Variants in MFAP3 observed in about 807,000 individuals in gnomAD.
The protein encoded by MFAP3 is microfibril-associated glycoprotein 3.
MFAP3 carries 8 observed loss-of-function variants against 20.5 expected under a neutral mutation model. The ratio of observed to expected loss-of-function variants is 0.39; its 90% CI spans 0.23 to 0.70. The LOEUF (loss-of-function observed/expected upper bound fraction) is 0.70, where lower values mean the gene tolerates loss of function less well. MFAP3 is among the 30% of genes least tolerant of loss of function. The probability of loss-of-function intolerance (pLI) is 0.44; values close to 1 mark genes in which losing one functional copy is unlikely to be tolerated. For missense variants in MFAP3, 398 were observed against 444.6 expected, an observed-to-expected ratio of 0.90 and a Z score of 0.94; for synonymous variants, 140 against 154.0, an observed-to-expected ratio of 0.91 and a Z score of 0.67.
chr5:154,041,394 G>C (rs1338845887), intron 1 of MFAP3, among the ~76,000 whole-genome samples: 2 of 152,224 alleles, frequency 1.3e-5, no homozygotes, highest in African/African-American at 2.4e-5. Flanking sequence ...GCAAAGAAAC[G>C]AATGATAATG....
chr5:154,050,221 C>T (rs962828564), intron 2 of MFAP3, among the ~76,000 whole-genome samples: 13 of 152,048 alleles, frequency 8.5e-5, no homozygotes, highest in Admixed American at 6.6e-4. Flanking sequence ...AAGAATCATT[C>T]TAAATTTAAA....
rs1773069620 is a variant in MFAP3, at chr5:154,046,163, T to C, written c.-166-3394T>C. Among the ~76,000 whole-genome samples the C allele has an allele frequency of 2.0e-5, 3 of 152,296 alleles. No homozygotes were observed. In the South Asian group the frequency reaches 6.2e-4, roughly 32 times the overall value. On this transcript the variant is annotated intron_variant, in intron 1 of 2. Coordinates refer to ENST00000522782, the MANE Select transcript of MFAP3 (RefSeq NM_005927.5). ...TGGTGATCTTTTATTCCTACCATTA[T>C]CCTCTAGGACAACATGGTAAATGAA...
chr5:154,051,747 A>G (rs1237031967), intron 2 of MFAP3: 1 of 152,232 alleles, frequency 6.6e-6, no homozygotes, highest in Non-Finnish European at 1.5e-5. Flanking sequence ...GATTGAGATA[A>G]GTTTGGATGA....
intron 1 of MFAP3, among the ~76,000 whole-genome samples, chr5:154,046,445 G>C (rs529953685): frequency 6.6e-6 from 1 of 152,128 alleles, no homozygotes; most frequent in African/African-American, 2.4e-5. Context: ...AAAAATATAG[G>C]CCTTGTTCTT....
intron 1 of MFAP3, chr5:154,039,348 G>C (rs555797040): frequency 6.6e-6 from 1 of 152,366 alleles, no homozygotes; most frequent in East Asian, 1.9e-4. Context: ...TAATGTGATG[G>C]AACGAAGTGG....
rs766856595 is a variant in MFAP3, at chr5:154,049,698, AAAC to A, written c.-22_-20del. The A allele has an allele frequency of 1.3e-6, 2 of 1,598,340 alleles. No individual in the cohort carries two copies. Among genetic ancestry groups the A allele is most frequent in the Admixed American group, 3.4e-5 (2 of 58,510 alleles). On this transcript the variant is annotated 5_prime_UTR_variant, in exon 2 of 3. Coordinates refer to ENST00000522782, the MANE Select transcript of MFAP3 (RefSeq NM_005927.5). Reference sequence around the variant, plus strand: ...AGAAGTTTTTGAGTTCTCCAAATCTAAACAAGATTTTGTCCCATTTTCCCATGA... The same window carrying A: ...AGAAGTTTTTGAGTTCTCCAAATCTAAAGATTTTGTCCCATTTTCCCATGA...
intron 1 of MFAP3, among the ~76,000 whole-genome samples, chr5:154,047,011 CCA>C (rs907861531): frequency 1.7e-4 from 26 of 152,136 alleles, no homozygotes; most frequent in Admixed American, 1.7e-3. Context: ...GCATTTTTGG[CCA>C]CTGCCTGTCT....
intron 1 of MFAP3, among the ~76,000 whole-genome samples, chr5:154,039,624 G>A (rs530153015): frequency 7.5e-4 from 114 of 152,294 alleles, no homozygotes; most frequent in African/African-American, 2.6e-3. Context: ...CTAAGCAGAT[G>A]AATGACATGA....
At chr5:154,046,521 G>C (rs1484160739) in intron 1 of MFAP3, among the ~76,000 whole-genome samples, 1 of 152,186 alleles carries the variant, frequency 6.6e-6, no homozygotes, top group Non-Finnish European at 1.5e-5. Flanking sequence ...CGCCAGATGA[G>C]TACGGTAGGT....
chr5:154,043,563 C>T (rs755180560), intron 1 of MFAP3, among the ~76,000 whole-genome samples: 15 of 152,006 alleles, frequency 9.9e-5, no homozygotes, highest in Non-Finnish European at 1.8e-4. Context: ...CACACACACA[C>T]ACACAAAAAG....
At chr5:154,048,480 CATATAA>C (rs1021623626) in intron 1 of MFAP3, among the ~76,000 whole-genome samples, 2 of 152,078 alleles carry the variant, frequency 1.3e-5, no homozygotes, top group African/African-American at 2.4e-5. Context: ...AAGCAGCCTT[CATATAA>C]ATATAAAGGA....
rs189569226 is a variant in MFAP3 at position 154,055,708 on chromosome 5, C to T, written c.*1995C>T. 2.5e-3 allele frequency among the ~76,000 whole-genome samples: 381 copies of T among 152,220 alleles called. 1 individual carries two copies. Among genetic ancestry groups the T allele is most frequent in the Non-Finnish European group, 4.1e-3 (276 of 68,006 alleles). On this transcript the variant is annotated 3_prime_UTR_variant, in exon 3 of 3. Coordinates refer to ENST00000522782, the MANE Select transcript of MFAP3 (RefSeq NM_005927.5). ...GCAGCCTCCAACTCCTGGGGTCAAG[C>T]GATCGTCCTGCTTCAGCCTCCCAAG...
chr5:154,049,113 A>G (rs2113562514), intron 1 of MFAP3, among the ~76,000 whole-genome samples: 1 of 152,354 alleles, frequency 6.6e-6, no homozygotes, highest in East Asian at 1.9e-4. Flanking sequence ...GTTGATTTAC[A>G]TTATAACAAC....
At position 154,053,919 on chromosome 5, in the gene MFAP3, C is replaced by G; in HGVS notation, c.*206C>G. On this transcript the variant is annotated 3_prime_UTR_variant, in exon 3 of 3. Transcript: ENST00000522782. ...TACTTTTCAGTCATTTTCCTTAGAG[C>G]TTTATTAAATTATGCATGCTAAGAT... The G allele has an allele frequency of 1.9e-6, 1 of 540,388 alleles. No individual in the cohort carries two copies. Among genetic ancestry groups the G allele is most frequent in the Non-Finnish European group, 3.3e-6 (1 of 298,518 alleles). 33.5% of individuals were successfully genotyped at this position (540,388 alleles called of 1,614,324 possible). A position where few individuals can be genotyped will look rare whatever the true frequency, so the allele number is the denominator to read the frequency against.
chr5:154,039,664 G>A (rs899166162), intron 1 of MFAP3, among the ~76,000 whole-genome samples: 2 of 152,094 alleles, frequency 1.3e-5, no homozygotes, highest in African/African-American at 4.8e-5. Flanking sequence ...ATTACTCCTG[G>A]GACCTCATCA....
intron 1 of MFAP3, among the ~76,000 whole-genome samples, chr5:154,047,568 G>T (rs1473030791): frequency 6.6e-6 from 1 of 152,006 alleles, no homozygotes; most frequent in African/African-American, 2.4e-5. Context: ...AAGCCTTTCA[G>T]CAGGCAGTAG....
intron 1 of MFAP3, among the ~76,000 whole-genome samples, chr5:154,048,730 A>G (rs1267286572): frequency 6.6e-6 from 1 of 152,168 alleles, no homozygotes; most frequent in Non-Finnish European, 1.5e-5. Flanking sequence ...GTGTCTAACA[A>G]TCTGTCCCTG....
rs1773288228 is a variant in MFAP3 at position 154,054,743 on chromosome 5, C to G, written c.*1030C>G. ...TAAGACCTCTGTCAACCCTCCTGCC[C>G]TTTGTGGTCTTAGGTATGGTGCTAT... On this transcript the variant is annotated 3_prime_UTR_variant, in exon 3 of 3. Transcript: ENST00000522782. The G allele has an allele frequency of 6.0e-6, 1 of 167,050 alleles. No individual in the cohort carries two copies. Among genetic ancestry groups the G allele is most frequent in the Non-Finnish European group, 1.5e-5 (1 of 68,108 alleles). 10.3% of individuals were successfully genotyped at this position (167,050 alleles called of 1,614,324 possible). A position where few individuals can be genotyped will look rare whatever the true frequency, so the allele number is the denominator to read the frequency against.
intron 1 of MFAP3, 150 bp from the exon 2 acceptor site, chr5:154,049,407 T>G (rs1773129649): frequency 4.3e-6 from 1 of 233,568 alleles, no homozygotes; most frequent in African/African-American, 2.3e-5. Flanking sequence ...CTGCTGTCTC[T>G]GTGTGAGATT....
Sources: gnomAD v4.1 joint callset for allele counts (sites outside exome capture counted in the v4.1 genomes callset) on GRCh38, gnomAD v4.1.1 for gene constraint, MANE v1.5 for transcripts, NCBI Gene and HGNC (gene_info 2026-07-23, HGNC 2026-07-21) for gene names.